Variants in ATR observed in about 807,000 individuals in gnomAD.
The protein encoded by ATR is serine/threonine-protein kinase ATR.
Under a neutral mutation model 305.3 loss-of-function variants are expected in ATR, and 142 were observed. The observed-to-expected ratio is 0.47, with a 90% CI of 0.41 to 0.53. The LOEUF is 0.53. Ranked by LOEUF, ATR falls within the 20% of genes least tolerant of loss-of-function variation. ATR has a pLI of 0.00. For synonymous variants in ATR, 1,050 were observed against 1,068.1 expected (o/e 0.98, Z 0.33); for missense variants, 2,135 against 3,133.1 (o/e 0.68, Z 7.60).
intron 5 of ATR, 117 bp from the exon 6 acceptor site, chr3:142,560,571 T>G: frequency 1.0e-6 from 1 of 956,168 alleles, no homozygotes; most frequent in Non-Finnish European, 1.5e-6. Flanking sequence ...AAAATTTTTT[T>G]TTTTTGTGAG....
intron 46 of ATR, chr3:142,449,939 A>G (rs1229966368): frequency 2.6e-6 from 1 of 381,516 alleles, no homozygotes; most frequent in Non-Finnish European, 4.9e-6. Flanking sequence ...GAATATTCAA[A>G]TAACAATGCT....
At chr3:142,479,023 T>C (rs2030191704) in intron 36 of ATR, among the ~76,000 whole-genome samples, 2 of 152,238 alleles carry the variant, frequency 1.3e-5, no homozygotes, top group South Asian at 2.1e-4. Flanking sequence ...AGCACACTGA[T>C]GGGTCTTGAC....
intron 21 of ATR, among the ~76,000 whole-genome samples, chr3:142,528,803 A>C (rs2033502850): frequency 6.9e-6 from 1 of 143,976 alleles, no homozygotes; most frequent in Non-Finnish European, 1.5e-5. Flanking sequence ...GTGTTTAAAA[A>C]ATCATTTATT....
At position 142,499,506 on chromosome 3, in the gene ATR, G is replaced by T. The variant is rs11927681; in HGVS notation, c.5380+121C>A. Reference sequence around the variant, plus strand: ...AGACGGGGTTTCACTGTGTTAGCCAGGATGGTCTCGATCTCCTGACCTCAT... The same window carrying T: ...AGACGGGGTTTCACTGTGTTAGCCATGATGGTCTCGATCTCCTGACCTCAT... On this transcript the variant is annotated intron_variant, in intron 31 of 46. Coordinates refer to ENST00000350721, the MANE Select transcript of ATR (RefSeq NM_001184.4). 0.082 allele frequency: 69,045 copies of T among 841,482 alleles called. 3,587 individuals carry two copies. The highest frequency in any genetic ancestry group is 0.13 in the Middle Eastern group (534 of 4,232). The allele number at this position is 841,482 out of a possible 1,614,324, so 52.1% of individuals were successfully genotyped here. A position where few individuals can be genotyped will look rare whatever the true frequency, so the allele number is the denominator to read the frequency against.
intron 19 of ATR, 136 bp downstream of exon 19, chr3:142,538,346 A>G: frequency 1.1e-6 from 1 of 899,460 alleles, no homozygotes; most frequent in Non-Finnish European, 1.7e-6. Flanking sequence ...ATGTAATTAC[A>G]TGCCAATTAC....
intron 17 of ATR, among the ~76,000 whole-genome samples, chr3:142,541,238 T>C (rs1051211218): frequency 1.3e-5 from 2 of 152,196 alleles, no homozygotes; most frequent in Non-Finnish European, 2.9e-5. Context: ...AAATACAAGT[T>C]GAGTTCTTTT....
rs2108424506 is a variant in ATR, at chr3:142,535,109, T to C, written c.3916A>G (p.Ser1306Gly). 6.2e-7 allele frequency: 1 copy of C among 1,613,028 alleles called. No individual in the cohort carries two copies. The highest frequency in any genetic ancestry group is 8.5e-7 in the Non-Finnish European group (1 of 1,179,256). Residue 1306 changes from serine to glycine, a missense_variant, in exon 21 of 47, where the codon AGC becomes GGC. Around this residue, in one of 9 missense-constraint regions of ATR, gnomAD observed 530 missense variants for 766.8 expected, o/e 0.69. Transcript: ENST00000350721. ...NVDVRIHALTSLKETLYKNQE... is the reference protein window; with the variant it reads ...NVDVRIHALTGLKETLYKNQE... ...TTTTTATACAAGGTTTCCTTCAAGC[T>C]TGTAAGAGCATGAATACGAACATCG...
intron 20 of ATR, 60 bp downstream of exon 20, chr3:142,536,048 G>C (rs565763746): frequency 8.5e-7 from 1 of 1,177,206 alleles, no homozygotes; most frequent in African/African-American, 1.5e-5. Flanking sequence ...TTCATGTATT[G>C]GAACTTGGGA....
chr3:142,529,552 G>A (rs1483442442), intron 21 of ATR, among the ~76,000 whole-genome samples: 1 of 152,020 alleles, frequency 6.6e-6, no homozygotes, highest in Admixed American at 6.6e-5. Flanking sequence ...GCCAAAGTCT[G>A]CCCAGTCATC....
At chr3:142,529,907 G>A (rs1180600431) in intron 21 of ATR, among the ~76,000 whole-genome samples, 1 of 151,906 alleles carries the variant, frequency 6.6e-6, no homozygotes, top group African/African-American at 2.4e-5. Flanking sequence ...TAATTATCCT[G>A]GGTCAATTTT....
intron 27 of ATR, 145 bp downstream of exon 27, chr3:142,512,115 T>A: frequency 1.3e-6 from 1 of 780,660 alleles, no homozygotes; most frequent in East Asian, 2.8e-5. Flanking sequence ...GGAAACTCCA[T>A]CTCCAAACAA....
chr3:142,498,803 G>A (rs1209773915), intron 31 of ATR, 29 bp from the exon 32 acceptor site: 1 of 1,608,810 alleles, frequency 6.2e-7, no homozygotes, highest in African/African-American at 1.3e-5. Flanking sequence ...GTCAAGAAAT[G>A]TCACGGTAGC....
In ATR at chr3:142,459,091, T is replaced by G; in HGVS notation, c.7370A>C (p.Tyr2457Ser). ...PTSWYSSRSA[Y>S]CRSTAVMSMV... is the part of the protein sequence containing the mutation. ...TGACATTACTGCAGTGGAACGGCAG[T>G]AAGCTGATCTACTACTGTACCTAAA... The change falls in exon 44 of 47, where the codon TAC becomes TCC. Residue 2457 changes from tyrosine to serine, a missense_variant. Tyr to Ser is a moderately radical substitution (Grantham distance 144, BLOSUM62 -2). Around this residue, in one of 9 missense-constraint regions of ATR, gnomAD observed 462 missense variants for 887.6 expected, o/e 0.52. Transcript: ENST00000350721. The G allele has an allele frequency of 6.2e-7, 1 of 1,614,024 alleles. No individual in the cohort carries two copies. Among genetic ancestry groups the G allele is most frequent in the Non-Finnish European group, 8.5e-7 (1 of 1,179,900 alleles).
chr3:142,462,628 C>G, intron 41 of ATR, among the ~76,000 whole-genome samples: 1 of 152,022 alleles, frequency 6.6e-6, no homozygotes, highest in East Asian at 1.9e-4. Flanking sequence ...GCCACCACGC[C>G]CAGCTAATTT....
chr3:142,485,918 G>A (rs1312241024), intron 35 of ATR, among the ~76,000 whole-genome samples: 1 of 152,102 alleles, frequency 6.6e-6, no homozygotes, highest in African/African-American at 2.4e-5. Flanking sequence ...AAATCCAAGA[G>A]ATATTTTACA....
Position 142,480,598 on chromosome 3 carries a change from C to T in ATR, c.6221+4542G>A, listed in dbSNP as rs187912529. 1.0e-3 allele frequency among the ~76,000 whole-genome samples: 155 copies of T among 152,334 alleles called. 1 individual carries two copies. The highest frequency in any genetic ancestry group is 3.5e-3 in the African/African-American group (147 of 41,588). ...CTCAAACTCCGTGCTGGGAGAAGCA[C>T]TACTCTCTTCAAAGCTGTCAGACAG... On this transcript the variant is annotated intron_variant, in intron 36 of 46. Transcript: ENST00000350721.
intron 24 of ATR, among the ~76,000 whole-genome samples, chr3:142,518,584 AC>A (rs2033009603): frequency 1.3e-5 from 2 of 152,178 alleles, no homozygotes; most frequent in African/African-American, 4.8e-5. Flanking sequence ...CTAAATAATC[AC>A]TTCTTTAATA....
At chr3:142,504,511 G>A (rs1401961327) in intron 29 of ATR, among the ~76,000 whole-genome samples, 2 of 151,568 alleles carry the variant, frequency 1.3e-5, no homozygotes, top group Non-Finnish European at 2.9e-5. Context: ...TGCCCAGGCT[G>A]GAGTGCAATG....
At chr3:142,474,574 C>T (rs2071387800) in intron 36 of ATR, among the ~76,000 whole-genome samples, 1 of 152,068 alleles carries the variant, frequency 6.6e-6, no homozygotes. Flanking sequence ...TTGTATGTTG[C>T]CTTTATATCC....
Sources: allele counts gnomAD v4.1 joint callset (sites outside exome capture counted in the v4.1 genomes callset), GRCh38; gene constraint gnomAD v4.1.1; regional missense constraint gnomAD v4.1.1; transcripts MANE v1.5; gene names NCBI Gene and HGNC (gene_info 2026-07-23, HGNC 2026-07-21).